RAB3GAP1: variants seen among roughly 807,000 people sequenced by gnomAD.
RAB3GAP1 encodes the protein rab3 GTPase-activating protein catalytic subunit.
A neutral mutation model predicts 130.7 loss-of-function variants in RAB3GAP1; 86 were observed. The observed-to-expected ratio is 0.66, with a 90% CI of 0.55 to 0.79. RAB3GAP1 has a LOEUF of 0.79. Ranked by LOEUF, RAB3GAP1 falls within the 30% of genes least tolerant of loss-of-function variation. RAB3GAP1 has a pLI of 0.00. For missense variants in RAB3GAP1, 1,029 were observed against 1,169.4 expected, an observed-to-expected ratio of 0.88 and a Z score of 1.75; for synonymous variants, 367 against 401.7, an observed-to-expected ratio of 0.91 and a Z score of 1.03.
intron 13 of RAB3GAP1, among the ~76,000 whole-genome samples, chr2:135,132,239 T>A (rs1355190611): frequency 6.6e-6 from 1 of 152,230 alleles, no homozygotes; most frequent in African/African-American, 2.4e-5. Flanking sequence ...TAAATGTCTA[T>A]AGAGAGCCTC....
At chr2:135,096,900 A>G (rs1051936603) in intron 5 of RAB3GAP1, among the ~76,000 whole-genome samples, 1 of 152,166 alleles carries the variant, frequency 6.6e-6, no homozygotes, top group African/African-American at 2.4e-5. Flanking sequence ...GTATTTCCTC[A>G]CTGTTACATA....
rs147372128 is a variant in RAB3GAP1, at chr2:135,127,111, G to A, written c.973+455G>A. ...AGGATAGTCTTGATCTCCTGACCTC[G>A]TGATCCGCCCGCCTCGGCCTCCCAA... On this transcript the variant is annotated intron_variant, in intron 11 of 23. Transcript: ENST00000264158. Among the ~76,000 whole-genome samples the A allele has an allele frequency of 2.6e-3, 396 of 150,530 alleles. 1 individual carries two copies. Among genetic ancestry groups the A allele is most frequent in the African/African-American group, 8.8e-3 (359 of 41,000 alleles).
rs529225132 is a variant in RAB3GAP1, at chr2:135,167,883, T to TC, written c.2710-659dup. ...TTTCCATTGCCAAAACAATTTTTTT[T>TC]CCCAAATTGATGGTATTAAAAAAAG... is the stretch of plus-strand genomic sequence containing the variant. On this transcript the variant is annotated intron_variant, in intron 23 of 23. Transcript: ENST00000264158. Among the ~76,000 whole-genome samples, 138 of 152,256 alleles carry TC rather than the reference T, an allele frequency of 9.1e-4. 2 individuals carry two copies. The highest frequency in any genetic ancestry group is 3.0e-3 in the African/African-American group (124 of 41,532).
intron 5 of RAB3GAP1, among the ~76,000 whole-genome samples, chr2:135,111,978 TACTTAAA>T (rs1343546669): frequency 3.3e-5 from 5 of 152,170 alleles, no homozygotes; most frequent in African/African-American, 1.2e-4. Context: ...CTCTTAAAAA[TACTTAAA>T]ACTTTAGAAA....
intron 3 of RAB3GAP1, among the ~76,000 whole-genome samples, chr2:135,061,630 A>G (rs929465710): frequency 1.3e-5 from 2 of 152,114 alleles, no homozygotes; most frequent in African/African-American, 4.8e-5. Flanking sequence ...TATCCATTTT[A>G]AAAATTGGAT....
chr2:135,070,009 ATGTGGGT>A (rs951560013), intron 3 of RAB3GAP1, among the ~76,000 whole-genome samples: 1 of 152,230 alleles, frequency 6.6e-6, no homozygotes, highest in African/African-American at 2.4e-5. Flanking sequence ...GCCACTTGCC[ATGTGGGT>A]TGTTAAATGA....
At chr2:135,081,970 C>A (rs899991394) in intron 3 of RAB3GAP1, among the ~76,000 whole-genome samples, 9 of 151,880 alleles carry the variant, frequency 5.9e-5, no homozygotes, top group Non-Finnish European at 1.2e-4. Context: ...GTAAAGCCCC[C>A]ATCTATACTA....
At chr2:135,117,786 G>GCTTCTTCTTCTTCTT (rs1164520454) in intron 7 of RAB3GAP1, among the ~76,000 whole-genome samples, 2 of 119,216 alleles carry the variant, frequency 1.7e-5, no homozygotes, top group African/African-American at 3.4e-5. Context: ...TGCTTCTTCT[G>GCTTCTTCTTCTTCTT]CTTCTTCTTC....
At chr2:135,168,190 A>G (rs1212182215) in intron 23 of RAB3GAP1, among the ~76,000 whole-genome samples, 1 of 152,198 alleles carries the variant, frequency 6.6e-6, no homozygotes, top group East Asian at 1.9e-4. Flanking sequence ...TCCTTACTGG[A>G]CTGAGGCTGT....
intron 17 of RAB3GAP1, chr2:135,136,963 C>G: frequency 4.4e-6 from 1 of 226,592 alleles, no homozygotes; most frequent in Non-Finnish European, 8.9e-6. Context: ...GGGCATGTGT[C>G]TGTAGTTGCA....
At chr2:135,099,651 TA>T in intron 5 of RAB3GAP1, among the ~76,000 whole-genome samples, 1 of 150,738 alleles carries the variant, frequency 6.6e-6, no homozygotes, top group Middle Eastern at 3.4e-3. Context: ...TGAGAGAGTG[TA>T]AAATTTTTTT....
chr2:135,115,103 T>C, intron 6 of RAB3GAP1, 113 bp from the exon 7 acceptor site: 1 of 1,002,472 alleles, frequency 1.0e-6, no homozygotes. Flanking sequence ...TTGTTGTGTT[T>C]CCAGTTTAGT....
At chr2:135,103,827 T>C (rs1244592731) in intron 5 of RAB3GAP1, among the ~76,000 whole-genome samples, 1 of 152,176 alleles carries the variant, frequency 6.6e-6, no homozygotes, top group Non-Finnish European at 1.5e-5. Flanking sequence ...TAGACCAAGG[T>C]TGCAGTCCCA....
At chr2:135,088,147 G>A (rs760936470) in intron 3 of RAB3GAP1, among the ~76,000 whole-genome samples, 5 of 152,172 alleles carry the variant, frequency 3.3e-5, no homozygotes, top group Non-Finnish European at 7.4e-5. Flanking sequence ...GGGACAGACA[G>A]TATCTCTGTA....
intron 3 of RAB3GAP1, among the ~76,000 whole-genome samples, chr2:135,068,065 A>G (rs1027567314): frequency 9.8e-5 from 15 of 152,326 alleles, no homozygotes; most frequent in African/African-American, 3.6e-4. Flanking sequence ...TACTAGAGTC[A>G]GTAAAATGAT....
chr2:135,052,300 T>G lies in RAB3GAP1; in HGVS notation c.-8T>G, dbSNP rs367986269. On this transcript the variant is annotated 5_prime_UTR_variant, in exon 1 of 24. Transcript: ENST00000264158. The stretch of plus-strand genomic sequence containing the variant: ...GCAGCCTTAGCGCCAGGCCCGGCGC[T>G]CCTCAAGATGGCTGCCGACAGTGAG... 6.2e-7 allele frequency: 1 copy of G among 1,613,492 alleles called. No individual in the cohort carries two copies. The highest frequency in any genetic ancestry group is 1.3e-5 in the African/African-American group (1 of 75,038).
intron 5 of RAB3GAP1, among the ~76,000 whole-genome samples, chr2:135,112,433 C>G (rs1206095420): frequency 6.6e-6 from 1 of 152,194 alleles, no homozygotes; most frequent in African/African-American, 2.4e-5. Flanking sequence ...TTCAATAACC[C>G]AGGCCTGCAC....
At chr2:135,107,218 C>G (rs1473661408) in intron 5 of RAB3GAP1, among the ~76,000 whole-genome samples, 1 of 152,004 alleles carries the variant, frequency 6.6e-6, no homozygotes, top group African/African-American at 2.4e-5. Context: ...TTCATCCTTG[C>G]CTTACAAGTA....
At chr2:135,146,682 T>C (rs1692003124) in intron 17 of RAB3GAP1, among the ~76,000 whole-genome samples, 1 of 152,186 alleles carries the variant, frequency 6.6e-6, no homozygotes, top group Non-Finnish European at 1.5e-5. Context: ...GTTTTTCTCA[T>C]CTTAAAAAAC....
Sources: allele counts gnomAD v4.1 joint callset (sites outside exome capture counted in the v4.1 genomes callset), GRCh38; gene constraint gnomAD v4.1.1; transcripts MANE v1.5; gene names NCBI Gene and HGNC (gene_info 2026-07-23, HGNC 2026-07-21).